Variants in PPARGC1A observed in about 807,000 individuals in gnomAD.
PPARGC1A encodes PPARG coactivator 1 alpha.
A neutral mutation model predicts 88.7 loss-of-function variants in PPARGC1A; 25 were observed. The ratio of observed to expected loss-of-function variants is 0.28; its 90% CI spans 0.21 to 0.39. The LOEUF is 0.39. Among genes scored for constraint, PPARGC1A ranks in the 10% least tolerant of loss-of-function variants. The pLI, the probability that PPARGC1A is intolerant of heterozygous loss-of-function variation, is 1.00. For synonymous variants in PPARGC1A, 363 were observed against 355.6 expected (o/e 1.02, Z -0.24); for missense variants, 880 against 968.7 (o/e 0.91, Z 1.22).
At chr4:23,906,586 TTGAAGTGAGACTCTGTCTCACA>T (rs985139560), upstream of PPARGC1A, among the ~76,000 whole-genome samples, 19 of 142,960 alleles carry the variant, frequency 1.3e-4, no homozygotes, top group African/African-American at 5.2e-4. Flanking sequence ...AGCCTGGGTA[TTGAAGTGAGACTCTGTCTCACA>T]AAAAAAAAAA....
chr4:23,801,563 C>T (rs571246912), intron 12 of PPARGC1A, among the ~76,000 whole-genome samples, 167 bp downstream of exon 12: 1 of 152,276 alleles, frequency 6.6e-6, no homozygotes, highest in South Asian at 2.1e-4. Context: ...ACCTAGGCCC[C>T]TTTCTTCTGA....
rs370917209 is a variant in PPARGC1A, at chr4:23,803,212, T to TA, written c.2020-868dup. 7.9e-3 allele frequency among the ~76,000 whole-genome samples: 1,194 copies of TA among 150,926 alleles called. 12 individuals carry two copies. Among genetic ancestry groups the TA allele is most frequent in the African/African-American group, 0.025 (1,024 of 41,240 alleles). ...ATGATTGGGCTTTATCTAGTTGTAC[T>TA]AAAAAAAAATGTAAGATAAGGTTCT... On this transcript the variant is annotated intron_variant, in intron 10 of 12. Coordinates refer to ENST00000264867, the MANE Select transcript of PPARGC1A (RefSeq NM_013261.5).
the PPARGC1A span, among the ~76,000 whole-genome samples, chr4:23,966,270 A>G: frequency 8.0e-4 from 122 of 152,298 alleles, no homozygotes; most frequent in African/African-American, 2.8e-3. Context: ...AGCAACATCC[A>G]ATAGAGCTTT....
At chr4:23,804,381 A>T (rs1488382726) in intron 10 of PPARGC1A, among the ~76,000 whole-genome samples, 1 of 152,118 alleles carries the variant, frequency 6.6e-6, no homozygotes, top group South Asian at 2.1e-4. Context: ...TCTGTAATCT[A>T]TTTTCTTTAT....
chr4:24,142,766 C>A, the PPARGC1A span, among the ~76,000 whole-genome samples: 1 of 152,090 alleles, frequency 6.6e-6, no homozygotes, highest in Non-Finnish European at 1.5e-5. Context: ...AGATTAGGTT[C>A]ATGTGGGTCA....
At position 23,880,103 on chromosome 4, in the gene PPARGC1A, T is replaced by C. The variant is rs566667751; in HGVS notation, c.234+4649A>G. The C allele has an allele frequency of 5.3e-5, 8 of 152,276 alleles. No individual in the cohort carries two copies. In the South Asian group the frequency reaches 1.5e-3, roughly 28 times the overall value. The allele number at this position is 152,276 out of a possible 1,614,324, so 9.4% of individuals were successfully genotyped here. A position where few individuals can be genotyped will look rare whatever the true frequency, so the allele number is the denominator to read the frequency against. On this transcript the variant is annotated intron_variant, in intron 2 of 12. Transcript: ENST00000264867. ...TACACGAGCTCGCAATGTTTGCAAA[T>C]TGCAAATATATATATAATCCTATGT...
chr4:24,072,352 G>C, the PPARGC1A span, among the ~76,000 whole-genome samples: 1 of 151,652 alleles, frequency 6.6e-6, no homozygotes, highest in Non-Finnish European at 1.5e-5. Context: ...TTGAGTTTTA[G>C]TCATCCATAT....
the PPARGC1A span, among the ~76,000 whole-genome samples, chr4:24,419,999 C>G: frequency 6.6e-6 from 1 of 152,190 alleles, no homozygotes; most frequent in African/African-American, 2.4e-5. Flanking sequence ...AAAATAGGCT[C>G]TAAAGAACCA....
At chr4:24,241,700 A>G in the PPARGC1A span, among the ~76,000 whole-genome samples, 1 of 152,276 alleles carries the variant, frequency 6.6e-6, no homozygotes, top group Non-Finnish European at 1.5e-5. Context: ...TGCGAGAATA[A>G]GCAAAAATTT....
the PPARGC1A span, among the ~76,000 whole-genome samples, chr4:24,413,612 G>C: frequency 3.3e-5 from 5 of 152,192 alleles, no homozygotes; most frequent in Middle Eastern, 3.4e-3. Context: ...AGATCCTTGT[G>C]GGGGGGTAGG....
chr4:24,376,295 A>G, the PPARGC1A span, among the ~76,000 whole-genome samples: 3 of 152,164 alleles, frequency 2.0e-5, no homozygotes, highest in Non-Finnish European at 2.9e-5. Context: ...CGCAAGTCCT[A>G]TGGAGCAAAT....
chr4:24,170,886 A>T, the PPARGC1A span, among the ~76,000 whole-genome samples: 1 of 152,128 alleles, frequency 6.6e-6, no homozygotes, highest in Non-Finnish European at 1.5e-5. Context: ...CCTCTGCTGC[A>T]TCCCCTTTCT....
At chr4:24,469,489 T>C in the PPARGC1A span, among the ~76,000 whole-genome samples, 1 of 152,354 alleles carries the variant, frequency 6.6e-6, no homozygotes, top group South Asian at 2.1e-4. Context: ...ATCTCTCATT[T>C]GTTTCTGTAC....
the PPARGC1A span, among the ~76,000 whole-genome samples, chr4:23,916,424 C>CATTAGCATTTTCCTGT: frequency 6.6e-5 from 10 of 152,244 alleles, no homozygotes; most frequent in South Asian, 2.1e-3. Flanking sequence ...TGAGAACCAC[C>CATTAGCATTTTCCTGT]ATTAGCATTT....
chr4:24,224,197 G>A, the PPARGC1A span, among the ~76,000 whole-genome samples: 1,009 of 152,310 alleles, frequency 6.6e-3, 6 homozygotes, highest in Admixed American at 0.011. Context: ...CCCTCAGATA[G>A]ATTATGGAAC....
chr4:23,961,312 G>A, the PPARGC1A span, among the ~76,000 whole-genome samples: 1 of 152,140 alleles, frequency 6.6e-6, no homozygotes, highest in South Asian at 2.1e-4. Flanking sequence ...TCAGGGAAGA[G>A]TAATGTTACT....
chr4:24,002,093 C>CAGAGAG, the PPARGC1A span, among the ~76,000 whole-genome samples: 17 of 135,780 alleles, frequency 1.3e-4, no homozygotes, highest in African/African-American at 4.1e-4. Flanking sequence ...CACACACACA[C>CAGAGAG]ACACAGAGAG....
the PPARGC1A span, among the ~76,000 whole-genome samples, chr4:24,368,665 A>C: frequency 6.6e-6 from 1 of 152,292 alleles, no homozygotes; most frequent in African/African-American, 2.4e-5. Flanking sequence ...AATATGAAAA[A>C]GACCTTTAAG....
intron 12 of PPARGC1A, among the ~76,000 whole-genome samples, chr4:23,801,427 A>C (rs1718717839): frequency 6.6e-6 from 1 of 152,160 alleles, no homozygotes; most frequent in South Asian, 2.1e-4. Flanking sequence ...CTGCATGCAC[A>C]CACAACACAC....
Sources: gnomAD v4.1 joint callset for allele counts (sites outside exome capture counted in the v4.1 genomes callset) on GRCh38, gnomAD v4.1.1 for gene constraint, MANE v1.5 for transcripts, NCBI Gene and HGNC (gene_info 2026-07-23, HGNC 2026-07-21) for gene names.